CNTNAP4: variants seen among roughly 807,000 people sequenced by gnomAD.
CNTNAP4 encodes contactin associated protein family member 4.
CNTNAP4 carries 98 observed loss-of-function variants against 148.4 expected under a neutral mutation model. That is an observed-to-expected ratio of 0.66 (90% CI 0.56 to 0.78). CNTNAP4 has a LOEUF of 0.78. Ranked by LOEUF, CNTNAP4 falls within the 30% of genes least tolerant of loss-of-function variation. The pLI, the probability that CNTNAP4 is intolerant of heterozygous loss-of-function variation, is 0.00. For synonymous variants in CNTNAP4, 730 were observed against 565.1 expected, an observed-to-expected ratio of 1.29 and a Z score of -4.14; for missense variants, 1,935 against 1,565.6, an observed-to-expected ratio of 1.24 and a Z score of -3.98.
chr16:76,461,802 A>G (rs2080972180), intron 8 of CNTNAP4, among the ~76,000 whole-genome samples, 154 bp from the exon 9 acceptor site: 1 of 152,142 alleles, frequency 6.6e-6, no homozygotes, highest in Admixed American at 6.5e-5. Flanking sequence ...CTCATTTCCA[A>G]TTTGTCTCCC....
intron 3 of CNTNAP4, among the ~76,000 whole-genome samples, chr16:76,390,051 A>C (rs1166060685): frequency 6.6e-6 from 1 of 152,176 alleles, no homozygotes; most frequent in Non-Finnish European, 1.5e-5. Context: ...TCTAGGAGCC[A>C]GTATACTTCG....
Position 76,535,723 on chromosome 16 carries a change from A to T in CNTNAP4, c.2934A>T (p.Arg978Ser). The stretch of plus-strand genomic sequence containing the variant: ...GCAATGGAGGGAAATGCAGAGAAAG[A>T]CCCATTGGGTTCTTTTGTGACTGCA... ...LCRNGGKCRE[R>S]PIGFFCDCTF... Residue 978 changes from arginine (R) to serine (S), a missense_variant, in exon 18 of 24, where the codon AGA becomes AGT. By Grantham distance (110) the Arg-to-Ser change is moderately radical. Coordinates refer to ENST00000611870, the MANE Select transcript of CNTNAP4 (RefSeq NM_033401.5). 6.2e-7 allele frequency: 1 copy of T among 1,613,922 alleles called. No individual in the cohort carries two copies. The highest frequency in any genetic ancestry group is 8.5e-7 in the Non-Finnish European group (1 of 1,179,858).
At chr16:76,469,630 C>G (rs930629661) in intron 10 of CNTNAP4, 1 of 152,178 alleles carries the variant, frequency 6.6e-6, no homozygotes, top group Non-Finnish European at 1.5e-5. Flanking sequence ...CACAAGGACT[C>G]CCGGTTGCCT....
intron 3 of CNTNAP4, among the ~76,000 whole-genome samples, chr16:76,373,227 T>A (rs1001821838): frequency 2.7e-5 from 4 of 150,654 alleles, no homozygotes; most frequent in Non-Finnish European, 5.9e-5. Flanking sequence ...AATAGGTGAA[T>A]ATATTCCACA....
chr16:76,403,303 C>G (rs1278924634), intron 3 of CNTNAP4, among the ~76,000 whole-genome samples: 3 of 152,010 alleles, frequency 2.0e-5, no homozygotes, highest in Non-Finnish European at 2.9e-5. Context: ...TTGTGTTAGC[C>G]AGGATGGTCT....
chr16:76,288,159 G>A (rs1958963839), intron 1 of CNTNAP4, among the ~76,000 whole-genome samples: 1 of 151,980 alleles, frequency 6.6e-6, no homozygotes, highest in Non-Finnish European at 1.5e-5. Context: ...GAGATATGAT[G>A]GTTTTATAGG....
chr16:76,437,101 T>C (rs1446685797), intron 4 of CNTNAP4, among the ~76,000 whole-genome samples: 1 of 152,044 alleles, frequency 6.6e-6, no homozygotes, highest in Non-Finnish European at 1.5e-5. Context: ...GCTGAAGAAC[T>C]TGGAGTCTGA....
In CNTNAP4 at chr16:76,448,879, C is replaced by A; in HGVS notation, c.855C>A (p.Asn285Lys). 1.2e-6 allele frequency: 2 copies of A among 1,613,722 alleles called. No individual in the cohort carries two copies. The highest frequency in any genetic ancestry group is 1.1e-5 in the South Asian group (1 of 90,990). ...TCCAGCGTTTGGGCAAACAAGTCAA[C>A]TTCACAGTGGACGAACACAGGCATC... ...VLIQRLGKQV[N>K]FTVDEHRHHF... The change falls in exon 6 of 24, where the codon AAC (asparagine) becomes AAA (lysine). Residue 285 changes from asparagine (N) to lysine (K), a missense_variant. Asn to Lys is a moderately conservative substitution (Grantham distance 94). Transcript: ENST00000611870.
intron 2 of CNTNAP4, among the ~76,000 whole-genome samples, chr16:76,329,846 CTG>C (rs1198250571): frequency 6.6e-6 from 1 of 152,058 alleles, no homozygotes; most frequent in African/African-American, 2.4e-5. Context: ...AAATATCTGA[CTG>C]TATTAAAATG....
intron 17 of CNTNAP4, among the ~76,000 whole-genome samples, chr16:76,529,371 G>T (rs2083875295): frequency 6.6e-6 from 1 of 152,158 alleles, no homozygotes; most frequent in Admixed American, 6.5e-5. Context: ...CCCTTGACTT[G>T]CTAACACTGA....
At chr16:76,543,241 ATCATTTGTAAT>A (rs1379783359) in intron 21 of CNTNAP4, among the ~76,000 whole-genome samples, 1 of 152,222 alleles carries the variant, frequency 6.6e-6, no homozygotes, top group Admixed American at 6.5e-5. Context: ...TTAGGGACTA[ATCATTTGTAAT>A]TCAAAGGAAA....
In CNTNAP4 at chr16:76,298,486, A is replaced by ATGTGTGTGTGTGTG. The variant is rs3975398; in HGVS notation, c.86-17896_86-17883dup. Reference sequence around the variant, plus strand: ...TGTGTGTGCACATGTGTGTACATGTATGTGTGTGTGTGTGTGTGTGTGTGT... The same window carrying ATGTGTGTGTGTGTG: ...TGTGTGTGCACATGTGTGTACATGTATGTGTGTGTGTGTGTGTGTGTGTGTGTGTGTGTGTGTGT... On this transcript the variant is annotated intron_variant, in intron 1 of 23. Transcript: ENST00000611870. Among the ~76,000 whole-genome samples the ATGTGTGTGTGTGTG allele has an allele frequency of 2.6e-4, 34 of 129,390 alleles. 1 individual carries two copies. Among genetic ancestry groups the ATGTGTGTGTGTGTG allele is most frequent in the Non-Finnish European group, 3.7e-4 (23 of 61,362 alleles). 84.9% of individuals were successfully genotyped at this position (129,390 alleles called of 152,430 possible).
intron 17 of CNTNAP4, among the ~76,000 whole-genome samples, chr16:76,530,178 A>C (rs1207623148): frequency 1.3e-5 from 2 of 152,180 alleles, no homozygotes; most frequent in African/African-American, 2.4e-5. Flanking sequence ...TTGAATGGAC[A>C]CAAGTTATTA....
chr16:76,408,541 G>A lies in CNTNAP4; in HGVS notation c.391-18911G>A, dbSNP rs145154068. On this transcript the variant is annotated intron_variant, in intron 3 of 23. Transcript: ENST00000611870. Reference sequence around the variant, plus strand: ...TCTCCCCCGTGCAACTCTTTCATACGTTGCCCATGATCTGTATTATTTTGA... The same window carrying A: ...TCTCCCCCGTGCAACTCTTTCATACATTGCCCATGATCTGTATTATTTTGA... 1.2e-3 allele frequency among the ~76,000 whole-genome samples: 176 copies of A among 151,810 alleles called. 2 individuals carry two copies. The East Asian group carries it at 0.027, about 23-fold the overall frequency.
In CNTNAP4 at chr16:76,509,275, C is replaced by G. The variant is rs1488369542; in HGVS notation, c.2365+10581C>G. On this transcript the variant is annotated intron_variant, in intron 15 of 23. Coordinates refer to ENST00000611870, the MANE Select transcript of CNTNAP4 (RefSeq NM_033401.5). ...CGTCCTGTGCATTGTTGGAGCTAAG[C>G]AGTATCCCTGGTTCCTACCCAAGAG... Among the ~76,000 whole-genome samples the G allele has an allele frequency of 5.2e-5, 5 of 96,384 alleles. 1 individual carries two copies. Among genetic ancestry groups the G allele is most frequent in the African/African-American group, 1.3e-4 (5 of 38,530 alleles). 63.2% of individuals were successfully genotyped at this position (96,384 alleles called of 152,430 possible). A position where few individuals can be genotyped will look rare whatever the true frequency, so the allele number is the denominator to read the frequency against.
intron 2 of CNTNAP4, among the ~76,000 whole-genome samples, chr16:76,341,848 G>A (rs1332035091): frequency 2.0e-5 from 3 of 152,138 alleles, no homozygotes; most frequent in East Asian, 3.9e-4. Flanking sequence ...AAGAAAAATG[G>A]CTCCATGAAA....
intron 3 of CNTNAP4, among the ~76,000 whole-genome samples, chr16:76,366,061 A>G (rs1460312096): frequency 6.6e-6 from 1 of 151,964 alleles, no homozygotes; most frequent in East Asian, 1.9e-4. Context: ...TTATGTTTTA[A>G]TTTTTTGACT....
chr16:76,491,255 T>TGTGCAAATGAGGATCAGACAGTTGTA lies in CNTNAP4; in HGVS notation c.2080+1380_2080+1405dup, dbSNP rs1261640150. On this transcript the variant is annotated intron_variant, in intron 13 of 23. Coordinates refer to ENST00000611870, the MANE Select transcript of CNTNAP4 (RefSeq NM_033401.5). Reference sequence around the variant, plus strand: ...ACCTCCTCCTGGAACCTCAATTCTGTGTGCAAATGAGGATCAGACAGTTGT... The same window carrying TGTGCAAATGAGGATCAGACAGTTGTA: ...ACCTCCTCCTGGAACCTCAATTCTGTGTGCAAATGAGGATCAGACAGTTGTAGTGCAAATGAGGATCAGACAGTTGT... Among the ~76,000 whole-genome samples the TGTGCAAATGAGGATCAGACAGTTGTA allele has an allele frequency of 3.9e-5, 6 of 152,188 alleles. No individual in the cohort carries two copies. The East Asian group carries it at 5.8e-4, about 15-fold the overall frequency.
chr16:76,536,457 A>T (rs1368411552), intron 18 of CNTNAP4, among the ~76,000 whole-genome samples: 1 of 152,052 alleles, frequency 6.6e-6, no homozygotes, highest in Non-Finnish European at 1.5e-5. Flanking sequence ...GAGCCTCCCA[A>T]AGTGCTGGGA....
Sources: allele counts gnomAD v4.1 joint callset (sites outside exome capture counted in the v4.1 genomes callset), GRCh38; gene constraint gnomAD v4.1.1; transcripts MANE v1.5; gene names NCBI Gene and HGNC (gene_info 2026-07-23, HGNC 2026-07-21).